ASTN2: variants seen among roughly 807,000 people sequenced by gnomAD.
ASTN2 encodes astrotactin 2, also known as astrotactin-2.
Under a neutral mutation model 139.8 loss-of-function variants are expected in ASTN2, and 54 were observed. That is an observed-to-expected ratio of 0.39 (90% CI 0.31 to 0.48). ASTN2 has a LOEUF of 0.48. Among genes scored for constraint, ASTN2 ranks in the 20% least tolerant of loss-of-function variants. The probability of loss-of-function intolerance (pLI) is 0.95; values close to 1 mark genes in which losing one functional copy is unlikely to be tolerated. For synonymous variants in ASTN2, 756 were observed against 719.5 expected, an observed-to-expected ratio of 1.05 and a Z score of -0.81; for missense variants, 1,565 against 1,725.1, an observed-to-expected ratio of 0.91 and a Z score of 1.64.
Position 117,020,002 on chromosome 9 carries a change from C to CTGTGTGTG in ASTN2, c.1424-11751_1424-11744dup, listed in dbSNP as rs57575432. On this transcript the variant is annotated intron_variant, in intron 6 of 22. Transcript: ENST00000313400. ...ACATAAAAATAGCCATTCAGGGTTTCTGTGTGTGTGTGTGTGTGTGTGTGT... is the reference window on the plus strand; with the variant it reads ...ACATAAAAATAGCCATTCAGGGTTTCTGTGTGTGTGTGTGTGTGTGTGTGTGTGTGTGT... 2.7e-3 allele frequency among the ~76,000 whole-genome samples: 379 copies of CTGTGTGTG among 140,892 alleles called. 2 individuals are homozygous for CTGTGTGTG. The highest frequency in any genetic ancestry group is 0.019 in the East Asian group (88 of 4,740). 92.4% of individuals were successfully genotyped at this position (140,892 alleles called of 152,430 possible). A position where few individuals can be genotyped will look rare whatever the true frequency, so the allele number is the denominator to read the frequency against.
Position 116,651,631 on chromosome 9 carries a change from C to T in ASTN2, c.2969G>A (p.Cys990Tyr). 1 of 1,614,126 alleles carries T rather than the reference C, an allele frequency of 6.2e-7. No homozygotes were observed. The highest frequency in any genetic ancestry group is 8.5e-7 in the Non-Finnish European group (1 of 1,180,014). The change falls in exon 17 of 23, where the codon TGC becomes TAC. Residue 990 changes from cysteine (C) to tyrosine (Y), a missense_variant. Cys to Tyr is a radical substitution (Grantham distance 194). Transcript: ENST00000313400. ...KGRCPSTCHLCRRPGKEQLSP... is the reference protein window; with the variant it reads ...KGRCPSTCHLYRRPGKEQLSP... ...CAGCTGCTCCTTGCCTGGCCGGCGG[C>T]AAAGGTGACAGGTAGATGGACAGCG...
At chr9:116,567,878 T>C (rs1472863401) in intron 19 of ASTN2, among the ~76,000 whole-genome samples, 1 of 152,152 alleles carries the variant, frequency 6.6e-6, no homozygotes, top group East Asian at 1.9e-4. Context: ...AGTTATTATC[T>C]CTGCATCCCA....
intron 4 of ASTN2, among the ~76,000 whole-genome samples, chr9:117,129,368 A>G (rs904591137): frequency 1.3e-5 from 2 of 152,220 alleles, no homozygotes; most frequent in African/African-American, 4.8e-5. Flanking sequence ...CGACTTTCAG[A>G]CAGATAAAAA....
chr9:117,146,049 A>G (rs374268431), intron 3 of ASTN2, among the ~76,000 whole-genome samples: 1 of 152,148 alleles, frequency 6.6e-6, no homozygotes, highest in African/African-American at 2.4e-5. Flanking sequence ...CAGTGCCAAG[A>G]GCCCAGGCAG....
At chr9:116,428,478 C>T (rs374001586) in intron 22 of ASTN2, among the ~76,000 whole-genome samples, 47 of 151,586 alleles carry the variant, frequency 3.1e-4, no homozygotes, top group South Asian at 2.3e-3. Context: ...GAACCAAGAT[C>T]GCGCCACTGC....
intron 2 of ASTN2, among the ~76,000 whole-genome samples, chr9:117,288,746 G>A (rs775761687): frequency 6.6e-6 from 1 of 152,316 alleles, no homozygotes; most frequent in East Asian, 1.9e-4. Flanking sequence ...GAGCCACAGA[G>A]AGGCCTGACC....
At chr9:116,700,029 C>T in intron 16 of ASTN2, 1 of 389,204 alleles carries the variant, frequency 2.6e-6, no homozygotes, top group Non-Finnish European at 4.9e-6. Context: ...TGAAATTTGC[C>T]CTTGTATTAA....
intron 2 of ASTN2, among the ~76,000 whole-genome samples, chr9:117,239,796 C>T (rs1833152873): frequency 6.6e-6 from 1 of 152,184 alleles, no homozygotes; most frequent in African/African-American, 2.4e-5. Context: ...ATATGCCAGG[C>T]TCAGGCATGC....
intron 17 of ASTN2, among the ~76,000 whole-genome samples, chr9:116,638,942 G>A (rs917703637): frequency 1.3e-5 from 2 of 152,138 alleles, no homozygotes; most frequent in African/African-American, 4.8e-5. Flanking sequence ...TAAGAGATAA[G>A]GATTTTAACA....
intron 1 of ASTN2, among the ~76,000 whole-genome samples, chr9:117,292,698 T>TCA (rs1312592479): frequency 4.0e-5 from 6 of 151,346 alleles, no homozygotes; most frequent in African/African-American, 1.5e-4. Context: ...TCGAGTGCAT[T>TCA]CACACACACA....
intron 10 of ASTN2, among the ~76,000 whole-genome samples, chr9:116,943,212 T>G (rs899227947): frequency 6.6e-6 from 1 of 152,172 alleles, no homozygotes; most frequent in Admixed American, 6.5e-5. Context: ...GTATAAATGC[T>G]GGGCTCTAGG....
chr9:116,904,289 A>G (rs1834098923), intron 10 of ASTN2, among the ~76,000 whole-genome samples: 1 of 152,192 alleles, frequency 6.6e-6, no homozygotes, highest in South Asian at 2.1e-4. Context: ...GAAGGCTCCT[A>G]TGTCCTCGTG....
intron 13 of ASTN2, among the ~76,000 whole-genome samples, chr9:116,792,646 G>A (rs1298178201): frequency 6.6e-6 from 1 of 152,146 alleles, no homozygotes; most frequent in East Asian, 1.9e-4. Context: ...TTGCAGGAGA[G>A]GTCTGTCTCC....
chr9:117,106,520 T>A (rs1178688633), intron 4 of ASTN2, among the ~76,000 whole-genome samples: 2 of 152,154 alleles, frequency 1.3e-5, no homozygotes, highest in African/African-American at 4.8e-5. Flanking sequence ...TTTTTATTAA[T>A]TCCTTCAGCC....
chr9:116,511,113 C>G (rs1199101756), intron 19 of ASTN2, among the ~76,000 whole-genome samples: 1 of 152,090 alleles, frequency 6.6e-6, no homozygotes, highest in South Asian at 2.1e-4. Flanking sequence ...ATTTTTTGCC[C>G]ATTCAGTATG....
In ASTN2 at chr9:117,083,011, A is replaced by G. The variant is rs140854103; in HGVS notation, c.1276+13033T>C. On this transcript the variant is annotated intron_variant, in intron 5 of 22. Transcript: ENST00000313400. ...TTACATTAGTTCCTCTTTTCTTTTC[A>G]TCAGAGGCAGTCCTCACAGTTTGGA... 2.0e-5 allele frequency among the ~76,000 whole-genome samples: 3 copies of G among 152,032 alleles called. No individual in the cohort carries two copies. The East Asian group carries it at 5.8e-4, about 29-fold the overall frequency.
chr9:116,871,746 G>A (rs988083492), intron 10 of ASTN2, among the ~76,000 whole-genome samples: 10 of 152,046 alleles, frequency 6.6e-5, no homozygotes, highest in African/African-American at 2.2e-4. Context: ...CCACTTTTCA[G>A]TTACTATGAC....
intron 19 of ASTN2, among the ~76,000 whole-genome samples, chr9:116,600,663 A>G (rs1159229291): frequency 3.9e-5 from 6 of 152,204 alleles, no homozygotes; most frequent in Non-Finnish European, 8.8e-5. Context: ...TCCATACTTC[A>G]TAGAGCAGCC....
intron 16 of ASTN2, among the ~76,000 whole-genome samples, chr9:116,671,020 A>T (rs900655533): frequency 5.3e-5 from 8 of 152,186 alleles, no homozygotes; most frequent in African/African-American, 1.9e-4. Flanking sequence ...ACATTTTTGC[A>T]ATCTTATTTG....
Sources: allele counts gnomAD v4.1 joint callset (sites outside exome capture counted in the v4.1 genomes callset), GRCh38; gene constraint gnomAD v4.1.1; transcripts MANE v1.5; gene names NCBI Gene and HGNC (gene_info 2026-07-23, HGNC 2026-07-21).